SDK1: variants seen among roughly 807,000 people sequenced by gnomAD.
The protein encoded by SDK1 is protein sidekick-1.
SDK1 carries 157 observed loss-of-function variants against 245.5 expected under a neutral mutation model. The observed-to-expected ratio is 0.64, with a 90% CI of 0.56 to 0.73. The LOEUF (loss-of-function observed/expected upper bound fraction) is 0.73, where lower values mean the gene tolerates loss of function less well. SDK1 is among the 30% of genes least tolerant of loss of function. The pLI is 0.00. For missense variants in SDK1, 3,583 were observed against 3,002.3 expected (o/e 1.19, Z -4.52); for synonymous variants, 1,647 against 1,278.5 (o/e 1.29, Z -6.15).
intron 22 of SDK1, among the ~76,000 whole-genome samples, chr7:4,108,120 C>T (rs1783066997): frequency 6.6e-6 from 1 of 152,134 alleles, no homozygotes; most frequent in Non-Finnish European, 1.5e-5. Context: ...TCGTGAAGTT[C>T]ATTCTCTTTT....
At chr7:4,190,289 C>T (rs1282974514) in intron 35 of SDK1, among the ~76,000 whole-genome samples, 1 of 152,204 alleles carries the variant, frequency 6.6e-6, no homozygotes, top group Non-Finnish European at 1.5e-5. Flanking sequence ...CGGCCACAGT[C>T]TCTCCAACTG....
At chr7:4,216,243 C>T (rs1352287046) in intron 38 of SDK1, among the ~76,000 whole-genome samples, 1 of 152,216 alleles carries the variant, frequency 6.6e-6, no homozygotes, top group Non-Finnish European at 1.5e-5. Context: ...GGGTGGTTGA[C>T]AGAAGGCAAC....
rs147825203 is a variant in SDK1, at chr7:3,440,151, A to G, written c.298+138267A>G. On this transcript the variant is annotated intron_variant, in intron 1 of 44. Transcript: ENST00000404826. ...CAGTTTTAAATTGTGCACCGTCCTG[A>G]GTAGTGTGATGGAATCTCGCACCAT... Among the ~76,000 whole-genome samples the G allele has an allele frequency of 9.2e-5, 14 of 152,278 alleles. 1 individual carries two copies. Among genetic ancestry groups the G allele is most frequent in the African/African-American group, 3.4e-4 (14 of 41,558 alleles).
chr7:3,818,651 T>A (rs1779569664), intron 4 of SDK1, among the ~76,000 whole-genome samples: 1 of 152,168 alleles, frequency 6.6e-6, no homozygotes, highest in African/African-American at 2.4e-5. Flanking sequence ...AGCCCTAACT[T>A]ATCACGGTTC....
In SDK1 at chr7:3,835,636, ATC is replaced by A. The variant is rs751784774; in HGVS notation, c.847+14059_847+14060del. On this transcript the variant is annotated intron_variant, in intron 5 of 44. Coordinates refer to ENST00000404826, the MANE Select transcript of SDK1 (RefSeq NM_152744.4). The stretch of plus-strand genomic sequence containing the variant: ...AGTCCCTGCTTCTGGAAGAATATTC[ATC>A]TCTCTGTCCATCTGTGCATTCAGAA... Among the ~76,000 whole-genome samples the A allele has an allele frequency of 3.9e-4, 60 of 152,194 alleles. 1 individual carries two copies. The highest frequency in any genetic ancestry group is 1.6e-4 in the Non-Finnish European group (11 of 68,040).
intron 1 of SDK1, among the ~76,000 whole-genome samples, chr7:3,482,680 A>G (rs1038874583): frequency 2.6e-5 from 4 of 152,196 alleles, no homozygotes; most frequent in Admixed American, 2.6e-4. Flanking sequence ...AAACAATTCA[A>G]CGTGGTCTTC....
intron 1 of SDK1, among the ~76,000 whole-genome samples, chr7:3,417,676 A>G (rs1779412396): frequency 6.6e-6 from 1 of 152,148 alleles, no homozygotes; most frequent in Admixed American, 6.5e-5. Context: ...TTGCCTTTCT[A>G]GATTTTCTAA....
At chr7:3,874,013 TTTG>T (rs1438319687) in intron 5 of SDK1, among the ~76,000 whole-genome samples, 2 of 152,130 alleles carry the variant, frequency 1.3e-5, no homozygotes, top group Non-Finnish European at 2.9e-5. Flanking sequence ...TCATAATAGT[TTTG>T]TTGTTGTTGA....
At chr7:3,715,895 A>G (rs1008188998) in intron 4 of SDK1, among the ~76,000 whole-genome samples, 2 of 152,204 alleles carry the variant, frequency 1.3e-5, no homozygotes, top group Non-Finnish European at 2.9e-5. Flanking sequence ...GCAGCAAACT[A>G]TTCATTCTCC....
rs1158501503 is a variant in SDK1, at chr7:4,120,297, TA to T, written c.3823+6027del. On this transcript the variant is annotated intron_variant, in intron 25 of 44. Transcript: ENST00000404826. Reference sequence around the variant, plus strand: ...AAACACCAATCCCGAGTGGAGTAAATAAAACTGAATTCATACCAAGATGTAT... The same window carrying T: ...AAACACCAATCCCGAGTGGAGTAAATAAACTGAATTCATACCAAGATGTAT... 3.4e-5 allele frequency among the ~76,000 whole-genome samples: 5 copies of T among 148,766 alleles called. 1 individual carries two copies. Among genetic ancestry groups the T allele is most frequent in the Admixed American group, 6.7e-5 (1 of 14,960 alleles).
At chr7:3,807,815 C>G (rs1330694230) in intron 4 of SDK1, among the ~76,000 whole-genome samples, 1 of 152,156 alleles carries the variant, frequency 6.6e-6, no homozygotes, top group Non-Finnish European at 1.5e-5. Flanking sequence ...AATTATTTGA[C>G]CTCTGGTAGC....
chr7:3,595,950 GTAT>G (rs771826258), intron 1 of SDK1, among the ~76,000 whole-genome samples: 37 of 147,238 alleles, frequency 2.5e-4, no homozygotes, highest in African/African-American at 7.2e-4. Flanking sequence ...TGTCTAATGG[GTAT>G]TTTTTTTTTT....
At chr7:3,987,057 T>A (rs1783907383) in intron 13 of SDK1, 129 bp from the exon 14 acceptor site, 1 of 853,972 alleles carries the variant, frequency 1.2e-6, no homozygotes, top group Non-Finnish European at 1.9e-6. Context: ...ATATTTGTGT[T>A]TGGGCATATT....
At chr7:3,434,354 G>T (rs1583851610) in intron 1 of SDK1, among the ~76,000 whole-genome samples, 2 of 152,194 alleles carry the variant, frequency 1.3e-5, no homozygotes, top group Non-Finnish European at 2.9e-5. Flanking sequence ...GGTATATGAG[G>T]TGGACTTTTT....
chr7:3,494,073 C>G (rs1192735315), intron 1 of SDK1, among the ~76,000 whole-genome samples: 1 of 151,882 alleles, frequency 6.6e-6, no homozygotes, highest in Non-Finnish European at 1.5e-5. Context: ...AAACTCTGAT[C>G]TCATTTATTT....
chr7:3,982,507 A>G (rs1375460383), intron 13 of SDK1, among the ~76,000 whole-genome samples: 1 of 152,230 alleles, frequency 6.6e-6, no homozygotes, highest in African/African-American at 2.4e-5. Flanking sequence ...AAGTAAATGG[A>G]AAACCTTCTG....
chr7:3,735,520 T>A (rs1377186563), intron 4 of SDK1, among the ~76,000 whole-genome samples: 2 of 152,226 alleles, frequency 1.3e-5, no homozygotes, highest in Non-Finnish European at 2.9e-5. Flanking sequence ...GACTGAAGAA[T>A]ATTTCACTGG....
intron 30 of SDK1, among the ~76,000 whole-genome samples, chr7:4,150,826 T>G (rs1332632679): frequency 6.6e-6 from 1 of 152,208 alleles, no homozygotes; most frequent in Non-Finnish European, 1.5e-5. Flanking sequence ...AAAACCCCCA[T>G]CCCTGGCTTG....
intron 35 of SDK1, among the ~76,000 whole-genome samples, chr7:4,187,268 C>T (rs1317045669): frequency 6.6e-6 from 1 of 152,160 alleles, no homozygotes; most frequent in Non-Finnish European, 1.5e-5. Context: ...CATTATTTTC[C>T]ATCATCCAAT....
Sources: allele counts gnomAD v4.1 joint callset (sites outside exome capture counted in the v4.1 genomes callset), GRCh38; gene constraint gnomAD v4.1.1; transcripts MANE v1.5; gene names NCBI Gene and HGNC (gene_info 2026-07-23, HGNC 2026-07-21).